Variants in MRPL13 observed in about 807,000 individuals in gnomAD.
MRPL13 encodes the protein mitochondrial ribosomal protein L13, also known as large ribosomal subunit protein uL13m.
In MRPL13, 33 loss-of-function variants were observed where a neutral mutation model predicts 29.0. The observed-to-expected ratio is 1.14, with a 90% confidence interval of 0.86 to 1.52. The LOEUF (loss-of-function observed/expected upper bound fraction) is 1.52. MRPL13 is among the 40% of genes most tolerant of loss of function. MRPL13 has a pLI of 0.00. For synonymous variants in MRPL13, 77 were observed against 68.4 expected (o/e 1.13, Z -0.62); for missense variants, 227 against 216.7 (o/e 1.05, Z -0.30).
In MRPL13 at chr8:120,401,229, T is replaced by C. The variant is rs147446840; in HGVS notation, c.516-5104A>G. 4.1e-3 allele frequency among the ~76,000 whole-genome samples: 620 copies of C among 152,254 alleles called. 5 individuals carry two copies. The highest frequency in any genetic ancestry group is 0.014 in the African/African-American group (593 of 41,556). On this transcript the variant is annotated intron_variant, in intron 6 of 6. Transcript: ENST00000306185. ...GAAAACTTCAGGCCAATATGCCTGA[T>C]GAACATCGATGCAAAAATCCTCAAT...
chr8:120,416,330 T>C (rs1348591492), intron 5 of MRPL13, among the ~76,000 whole-genome samples: 1 of 151,940 alleles, frequency 6.6e-6, no homozygotes, highest in African/African-American at 2.4e-5. Flanking sequence ...CCGTCTCTAC[T>C]AAAAATACAA....
At chr8:120,417,831 T>A (rs1812822717) in intron 5 of MRPL13, among the ~76,000 whole-genome samples, 1 of 152,162 alleles carries the variant, frequency 6.6e-6, no homozygotes, top group African/African-American at 2.4e-5. Flanking sequence ...CGTGAATCAA[T>A]CAGTTCTCCA....
At chr8:120,440,043 G>C (rs1315031780) in intron 2 of MRPL13, among the ~76,000 whole-genome samples, 3 of 152,190 alleles carry the variant, frequency 2.0e-5, no homozygotes, top group Non-Finnish European at 4.4e-5. Context: ...GGATACAGCT[G>C]TGTACAAAAC....
rs749399960 is a variant in MRPL13, at chr8:120,414,014, G to T, written c.492C>A (p.Asp164Glu). The T allele has an allele frequency of 1.3e-6, 2 of 1,564,444 alleles. No individual in the cohort carries two copies. Among genetic ancestry groups the T allele is most frequent in the African/African-American group, 2.8e-5 (2 of 72,004 alleles). ...ACGGAGTCCACAATCTTGGGAAGGC[G>T]TCTATTTCTTCTTGTGTGTACTCAT... ...RLDEYTQEEIDAFPRLWTPPE... is the reference protein window; with the variant it reads ...RLDEYTQEEIEAFPRLWTPPE... Residue 164 changes from aspartate (D) to glutamate (E), a missense_variant, in exon 6 of 7, where the codon GAC becomes GAA. Asp to Glu is a conservative substitution (Grantham distance 45, BLOSUM62 2). Coordinates refer to ENST00000306185, the MANE Select transcript of MRPL13 (RefSeq NM_014078.6).
At chr8:120,413,756 T>C (rs1812768628) in intron 6 of MRPL13, among the ~76,000 whole-genome samples, 1 of 152,150 alleles carries the variant, frequency 6.6e-6, no homozygotes, top group Non-Finnish European at 1.5e-5. Flanking sequence ...AAATACTTGA[T>C]AATTATAGGA....
intron 3 of MRPL13, among the ~76,000 whole-genome samples, chr8:120,428,835 A>T (rs1812963620): frequency 6.6e-6 from 1 of 152,178 alleles, no homozygotes; most frequent in African/African-American, 2.4e-5. Context: ...AAAAAATAAC[A>T]GATGCTGGCA....
At chr8:120,415,799 G>T (rs1812796234) in intron 5 of MRPL13, 1 of 152,070 alleles carries the variant, frequency 6.6e-6, no homozygotes. Context: ...AAGATTGTTG[G>T]TGATACTTAT....
chr8:120,402,241 C>A (rs894777188), intron 6 of MRPL13, among the ~76,000 whole-genome samples: 1 of 152,222 alleles, frequency 6.6e-6, no homozygotes, highest in Non-Finnish European at 1.5e-5. Flanking sequence ...CGCTACCCAA[C>A]TTCAAACTAT....
At chr8:120,417,695 T>C (rs1048798859) in intron 5 of MRPL13, among the ~76,000 whole-genome samples, 1 of 152,148 alleles carries the variant, frequency 6.6e-6, no homozygotes, top group Non-Finnish European at 1.5e-5. Context: ...TATTGCTCCA[T>C]TAGTTTTTGA....
chr8:120,397,190 C>G (rs531609055), intron 6 of MRPL13, among the ~76,000 whole-genome samples: 67 of 150,556 alleles, frequency 4.5e-4, no homozygotes, highest in African/African-American at 1.4e-3. Flanking sequence ...GAGCCCACAC[C>G]ACCAGGGCCT....
chr8:120,444,007 AG>A (rs1414774171), intron 1 of MRPL13, among the ~76,000 whole-genome samples: 2 of 152,138 alleles, frequency 1.3e-5, no homozygotes, highest in Non-Finnish European at 2.9e-5. Flanking sequence ...TATACACAAG[AG>A]GCTAAACAAT....
At chr8:120,417,198 A>G (rs2130465233) in intron 5 of MRPL13, among the ~76,000 whole-genome samples, 1 of 152,214 alleles carries the variant, frequency 6.6e-6, no homozygotes, top group East Asian at 1.9e-4. Flanking sequence ...TCAGTGCTTC[A>G]TAGCAGGAGG....
intron 2 of MRPL13, among the ~76,000 whole-genome samples, chr8:120,436,432 T>C (rs1010420944): frequency 6.6e-6 from 1 of 152,212 alleles, no homozygotes; most frequent in Non-Finnish European, 1.5e-5. Flanking sequence ...TGGCTACTTA[T>C]ATTGAACATC....
At chr8:120,413,550 CTG>C (rs1812765924) in intron 6 of MRPL13, among the ~76,000 whole-genome samples, 2 of 152,146 alleles carry the variant, frequency 1.3e-5, no homozygotes, top group African/African-American at 4.8e-5. Context: ...GTAGAGGAAA[CTG>C]TACAGAGGAG....
chr8:120,419,444 A>G (rs1812842679), intron 5 of MRPL13, among the ~76,000 whole-genome samples: 1 of 151,938 alleles, frequency 6.6e-6, no homozygotes, highest in South Asian at 2.1e-4. Flanking sequence ...ATGGGAAACA[A>G]TAGCAACCAA....
At chr8:120,435,683 G>T (rs1813046391) in intron 2 of MRPL13, among the ~76,000 whole-genome samples, 2 of 151,878 alleles carry the variant, frequency 1.3e-5, no homozygotes, top group African/African-American at 4.8e-5. Context: ...CATGCTTTAA[G>T]TTCTTTCAGA....
At chr8:120,423,128 A>G (rs983002603) in intron 4 of MRPL13, among the ~76,000 whole-genome samples, 1 of 152,116 alleles carries the variant, frequency 6.6e-6, no homozygotes. Flanking sequence ...TAAGAAAGGG[A>G]AAAATGATAA....
chr8:120,431,687 T>C (rs1812998479), intron 3 of MRPL13, among the ~76,000 whole-genome samples: 2 of 152,094 alleles, frequency 1.3e-5, no homozygotes, highest in South Asian at 2.1e-4. Flanking sequence ...TCCTTAAACA[T>C]CTTGTTAACT....
chr8:120,432,041 A>C lies in MRPL13; in HGVS notation c.234T>G (p.Ser78=), dbSNP rs1813001977. The C allele has an allele frequency of 6.2e-7, 1 of 1,600,590 alleles. No homozygotes were observed. Among genetic ancestry groups the C allele is most frequent in the African/African-American group, 1.3e-5 (1 of 74,236 alleles). The change falls in exon 3 of 7, where the codon TCT becomes TCG. Residue 78 remains serine, a synonymous_variant. Coordinates refer to ENST00000306185, the MANE Select transcript of MRPL13 (RefSeq NM_014078.6). ...SGNKWEQKVY[S]SHTGYPGGFR... is the part of the protein sequence containing the mutation. Reference sequence around the variant, plus strand: ...CAGCATTATCTTACCCAGTATGCGAAGAGTATACTTTTTGTTCCCATTTGT... The same window carrying C: ...CAGCATTATCTTACCCAGTATGCGACGAGTATACTTTTTGTTCCCATTTGT...
Sources: gnomAD v4.1 joint callset for allele counts (sites outside exome capture counted in the v4.1 genomes callset) on GRCh38, gnomAD v4.1.1 for gene constraint, MANE v1.5 for transcripts, NCBI Gene and HGNC (gene_info 2026-07-23, HGNC 2026-07-21) for gene names.